Variants in LSP1 observed in about 807,000 individuals in gnomAD.
LSP1 encodes lymphocyte-specific protein 1.
LSP1 carries 32 observed loss-of-function variants against 49.3 expected under a neutral mutation model. That is an observed-to-expected ratio of 0.65 (90% CI 0.49 to 0.87). The LOEUF is 0.87. Ranked by LOEUF, LSP1 falls within the 40% of genes least tolerant of loss-of-function variation. The pLI is 0.00. For missense variants in LSP1, 428 were observed against 442.6 expected (o/e 0.97, Z 0.30); for synonymous variants, 179 against 178.8 (o/e 1.00, Z -0.01).
At chr11:1,881,075 A>C (rs1025431077) in intron 2 of LSP1, 6 of 212,322 alleles carry the variant, frequency 2.8e-5, no homozygotes, top group African/African-American at 1.4e-4. Flanking sequence ...GGAGCCCTAC[A>C]CTGATCGAAG....
Position 1,884,089 on chromosome 11 carries a change from C to T in LSP1, c.591+65C>T. 2 of 1,517,948 alleles carry T rather than the reference C, an allele frequency of 1.3e-6. No homozygotes were observed. The highest frequency in any genetic ancestry group is 1.4e-5 in the African/African-American group (1 of 72,394). 94.0% of individuals were successfully genotyped at this position (1,517,948 alleles called of 1,614,324 possible). ...CCGTACTCATACCCAAAAGGCCAAT[C>T]CCACATGCCAGCCACAGGAAGACCA... On this transcript the variant is annotated intron_variant, in intron 5 of 10. Transcript: ENST00000311604. This position sits in a 1 kb window ranked among gnomAD's most constrained non-coding sequence, Gnocchi z 4.1.
At chr11:1,882,669 C>G (rs1453037780) in intron 3 of LSP1, among the ~76,000 whole-genome samples, 1 of 152,196 alleles carries the variant, frequency 6.6e-6, no homozygotes, top group Non-Finnish European at 1.5e-5. Flanking sequence ...GGCCGCCACC[C>G]CACCCCCTGC....
chr11:1,885,301 C>A (rs1012280601), intron 7 of LSP1, among the ~76,000 whole-genome samples: 2 of 152,018 alleles, frequency 1.3e-5, no homozygotes, highest in African/African-American at 2.4e-5. Context: ...TCAATCGGTA[C>A]CTCTCCATCC....
chr11:1,882,850 G>A (rs762902050), intron 3 of LSP1, among the ~76,000 whole-genome samples: 4 of 152,158 alleles, frequency 2.6e-5, no homozygotes, highest in Non-Finnish European at 5.9e-5. Flanking sequence ...TCCAGGTTCA[G>A]TCCTGCTCAA....
At chr11:1,874,663 G>A (rs1387316299) in intron 1 of LSP1, among the ~76,000 whole-genome samples, 1 of 152,148 alleles carries the variant, frequency 6.6e-6, no homozygotes, top group Non-Finnish European at 1.5e-5. Flanking sequence ...GCGCCGGGAG[G>A]GGCCTTGGCA....
intron 1 of LSP1, among the ~76,000 whole-genome samples, chr11:1,861,453 G>A (rs1847625808): frequency 6.6e-6 from 1 of 152,216 alleles, no homozygotes; most frequent in South Asian, 2.1e-4. Context: ...GAAGGATGGA[G>A]AGACAGATGG....
intron 1 of LSP1, among the ~76,000 whole-genome samples, chr11:1,867,118 G>T (rs1180981465): frequency 1.3e-5 from 2 of 152,166 alleles, no homozygotes. Context: ...GTGAGGAGGG[G>T]ACCTCACTTG....
intron 1 of LSP1, among the ~76,000 whole-genome samples, chr11:1,855,288 C>T (rs1847459718): frequency 6.6e-6 from 1 of 152,186 alleles, no homozygotes; most frequent in Non-Finnish European, 1.5e-5. Context: ...CTGGGAAGCC[C>T]CCACACGGGA....
At position 1,866,696 on chromosome 11, in the gene LSP1, C is replaced by G. The variant is rs755976906; in HGVS notation, c.54-13391C>G. On this transcript the variant is annotated intron_variant, in intron 1 of 10. Coordinates refer to ENST00000311604, the MANE Select transcript of LSP1 (RefSeq NM_002339.3). Reference sequence around the variant, plus strand: ...GTGTTTTCCCAGGGGACGCTGCTGTCCACCAGGAGCTCTGTGGCCTGGGAT... The same window carrying G: ...GTGTTTTCCCAGGGGACGCTGCTGTGCACCAGGAGCTCTGTGGCCTGGGAT... 7 of 1,550,552 alleles carry G rather than the reference C, an allele frequency of 4.5e-6. No homozygotes were observed. The South Asian group carries it at 8.3e-5, about 18-fold the overall frequency.
chr11:1,890,858 G>A, intron 10 of LSP1: 1 of 498,308 alleles, frequency 2.0e-6, no homozygotes, highest in South Asian at 2.9e-5. Flanking sequence ...TGCCTCCAGG[G>A]CTCTGTCCTC....
At chr11:1,875,971 C>A (rs1848292774) in intron 1 of LSP1, among the ~76,000 whole-genome samples, 1 of 152,224 alleles carries the variant, frequency 6.6e-6, no homozygotes, top group Non-Finnish European at 1.5e-5. Context: ...GGGGCAGGAC[C>A]CCTGCGTGTG....
chr11:1,866,032 G>C (rs1847778861), intron 1 of LSP1, among the ~76,000 whole-genome samples: 2 of 152,064 alleles, frequency 1.3e-5, no homozygotes, highest in Non-Finnish European at 2.9e-5. Flanking sequence ...TCAGGTGGGA[G>C]AGCAGAGTTT....
At chr11:1,887,649 G>A in intron 10 of LSP1, 73 bp downstream of exon 10, 1 of 1,230,828 alleles carries the variant, frequency 8.1e-7, no homozygotes, top group Non-Finnish European at 1.2e-6. Context: ...TGGCAACCTG[G>A]AGGCTGCCTG....
At chr11:1,865,340 C>A (rs1847752049) in intron 1 of LSP1, 1 of 653,172 alleles carries the variant, frequency 1.5e-6, no homozygotes. Context: ...CACCGGGCCA[C>A]TGGGCCTCCC....
At position 1,861,175 on chromosome 11, in the gene LSP1, G is replaced by A. The variant is rs574512393; in HGVS notation, c.53+7978G>A. On this transcript the variant is annotated intron_variant, in intron 1 of 10. Transcript: ENST00000311604. ...AGAAAAGAATTACTTCTTTCCATGA[G>A]GCTTTCATATATAAAGACCCAAGGA... Among the ~76,000 whole-genome samples, 11 of 152,228 alleles carry A rather than the reference G, an allele frequency of 7.2e-5. No homozygotes were observed. In the East Asian group the frequency reaches 2.1e-3, roughly 29 times the overall value.
At chr11:1,858,235 G>A (rs1847537728) in intron 1 of LSP1, among the ~76,000 whole-genome samples, 1 of 152,182 alleles carries the variant, frequency 6.6e-6, no homozygotes, top group Non-Finnish European at 1.5e-5. Context: ...TTCGGGTGCT[G>A]AGGGCCCACA....
At position 1,864,227 on chromosome 11, in the gene LSP1, C is replaced by A. The variant is rs923572314; in HGVS notation, c.53+11030C>A. The A allele has an allele frequency of 1.2e-5, 12 of 986,874 alleles. No individual in the cohort carries two copies. The South Asian group carries it at 2.3e-4, about 19-fold the overall frequency. The allele number at this position is 986,874 out of a possible 1,614,324, so 61.1% of individuals were successfully genotyped here. ...GGAACCAGCGAAGGGTCCAGGCCTGCGATGATGGTGAGGGAGGTGGCAGGT... is the reference window on the plus strand; with the variant it reads ...GGAACCAGCGAAGGGTCCAGGCCTGAGATGATGGTGAGGGAGGTGGCAGGT... On this transcript the variant is annotated intron_variant, in intron 1 of 10. Transcript: ENST00000311604.
At chr11:1,881,117 C>A in intron 2 of LSP1, 1 of 289,334 alleles carries the variant, frequency 3.5e-6, no homozygotes, top group Non-Finnish European at 6.5e-6. Flanking sequence ...GAGCCCCAAA[C>A]TGATGAGGGA....
chr11:1,890,427 C>T, intron 10 of LSP1: 1 of 717,250 alleles, frequency 1.4e-6, no homozygotes, highest in Non-Finnish European at 2.6e-6. Context: ...GAGGTGTGTG[C>T]CTCCCATCAT....
Sources: allele counts gnomAD v4.1 joint callset (sites outside exome capture counted in the v4.1 genomes callset), GRCh38; gene constraint gnomAD v4.1.1; non-coding constraint Gnocchi (gnomAD v3.1); transcripts MANE v1.5; gene names NCBI Gene and HGNC (gene_info 2026-07-23, HGNC 2026-07-21).